The following FRMD3 variants were observed in gnomAD, a reference collection of about 807,000 sequenced individuals.
FRMD3 encodes the protein FERM domain containing 3.
A neutral mutation model predicts 70.2 loss-of-function variants in FRMD3; 33 were observed. The ratio of observed to expected loss-of-function variants is 0.47; its 90% confidence interval spans 0.36 to 0.63. FRMD3 has a LOEUF of 0.63. Ranked by LOEUF, FRMD3 falls within the 20% of genes least tolerant of loss-of-function variation. The pLI, the probability that FRMD3 is intolerant of heterozygous loss-of-function variation, is 0.00. For missense variants in FRMD3, 632 were observed against 711.4 expected (o/e 0.89, Z 1.27); for synonymous variants, 279 against 255.9 (o/e 1.09, Z -0.86).
the FRMD3 span, among the ~76,000 whole-genome samples, chr9:83,575,369 T>A: frequency 6.6e-6 from 1 of 152,296 alleles, no homozygotes; most frequent in East Asian, 1.9e-4. Flanking sequence ...TGGTTTTCTC[T>A]ATTTTTCAGG....
chr9:83,329,775 T>C (rs927654504), intron 6 of FRMD3, among the ~76,000 whole-genome samples: 1 of 152,168 alleles, frequency 6.6e-6, no homozygotes, highest in Non-Finnish European at 1.5e-5. Context: ...TTACTGCCAA[T>C]TGAGCCTTTT....
intron 3 of FRMD3, among the ~76,000 whole-genome samples, chr9:83,367,113 G>A (rs750236452): frequency 1.3e-5 from 2 of 152,298 alleles, no homozygotes; most frequent in East Asian, 1.9e-4. Flanking sequence ...CAAGGACTCT[G>A]CAAAACCAAA....
chr9:83,549,845 A>G, the FRMD3 span, among the ~76,000 whole-genome samples: 1 of 152,134 alleles, frequency 6.6e-6, no homozygotes, highest in Non-Finnish European at 1.5e-5. Context: ...GATGCTGGAC[A>G]TTAGACCTTT....
upstream of FRMD3, among the ~76,000 whole-genome samples, chr9:83,542,126 A>G (rs1404753778): frequency 6.6e-6 from 1 of 152,106 alleles, no homozygotes; most frequent in African/African-American, 2.4e-5. Flanking sequence ...CAGCCATAGC[A>G]GTGGCTGCAA....
chr9:83,371,467 C>T (rs1587784649), intron 3 of FRMD3, among the ~76,000 whole-genome samples: 1 of 152,186 alleles, frequency 6.6e-6, no homozygotes. Context: ...CAGGCAACCA[C>T]CACCACACCC....
chr9:83,517,726 C>T (rs4877786), intron 1 of FRMD3, among the ~76,000 whole-genome samples: 55,116 of 151,904 alleles, frequency 0.36, 10,764 homozygotes, highest in Middle Eastern at 0.45. Context: ...AACATTGATG[C>T]GAAAATCCTC....
At chr9:83,504,807 A>G (rs1166598693) in intron 1 of FRMD3, among the ~76,000 whole-genome samples, 1 of 152,116 alleles carries the variant, frequency 6.6e-6, no homozygotes, top group Non-Finnish European at 1.5e-5. Context: ...GCCTCTCCCT[A>G]CTAGAATATA....
chr9:83,388,008 C>T (rs1364796819), intron 2 of FRMD3, among the ~76,000 whole-genome samples: 1 of 152,138 alleles, frequency 6.6e-6, no homozygotes, highest in Non-Finnish European at 1.5e-5. Context: ...TCATGTCAGC[C>T]CCACATCCCC....
At chr9:83,270,783 C>T (rs765980597) in intron 13 of FRMD3, among the ~76,000 whole-genome samples, 1 of 151,754 alleles carries the variant, frequency 6.6e-6, no homozygotes, top group African/African-American at 2.4e-5. Flanking sequence ...ATTCTCAGAT[C>T]AGTGCCTTGC....
chr9:83,522,841 G>A (rs553627656), intron 1 of FRMD3, among the ~76,000 whole-genome samples: 1 of 152,220 alleles, frequency 6.6e-6, no homozygotes. Context: ...GGGATTACAG[G>A]CGTGAGCCAC....
At chr9:83,528,329 TTAC>T (rs1829726556) in intron 1 of FRMD3, among the ~76,000 whole-genome samples, 3 of 151,754 alleles carry the variant, frequency 2.0e-5, no homozygotes, top group South Asian at 2.1e-4. Flanking sequence ...ACGTGCATAG[TTAC>T]TACTAAGAAT....
At chr9:83,283,110 G>A (rs899327542) in intron 13 of FRMD3, among the ~76,000 whole-genome samples, 1 of 152,174 alleles carries the variant, frequency 6.6e-6, no homozygotes, top group East Asian at 1.9e-4. Context: ...AAGGTAAAAA[G>A]CTTTTGAAAA....
At chr9:83,529,777 G>A (rs1159946262) in intron 1 of FRMD3, among the ~76,000 whole-genome samples, 1 of 152,094 alleles carries the variant, frequency 6.6e-6, no homozygotes, top group Non-Finnish European at 1.5e-5. Flanking sequence ...AATATATGAA[G>A]AACTCTTACA....
At chr9:83,391,902 G>A (rs2131301108) in intron 1 of FRMD3, among the ~76,000 whole-genome samples, 1 of 152,278 alleles carries the variant, frequency 6.6e-6, no homozygotes, top group South Asian at 2.1e-4. Context: ...CCAGGAGGGA[G>A]CCTGTTGGAG....
chr9:83,284,061 ATTTT>A (rs71365307), intron 13 of FRMD3, among the ~76,000 whole-genome samples: 19,327 of 102,014 alleles, frequency 0.19, 1,464 homozygotes, highest in Non-Finnish European at 0.22. Flanking sequence ...CTAGGATGTT[ATTTT>A]TTTTTTTTTT....
chr9:83,554,913 C>T, the FRMD3 span, among the ~76,000 whole-genome samples: 1 of 152,094 alleles, frequency 6.6e-6, no homozygotes, highest in Non-Finnish European at 1.5e-5. Context: ...CCCCAGCCAC[C>T]TGGGATTTTC....
At chr9:83,536,427 C>G (rs1829893808) in intron 1 of FRMD3, among the ~76,000 whole-genome samples, 1 of 148,058 alleles carries the variant, frequency 6.8e-6, no homozygotes, top group African/African-American at 2.5e-5. Flanking sequence ...AACAGCCTCT[C>G]TCCCTGACGG....
At chr9:83,476,383 CA>C (rs35937281) in intron 1 of FRMD3, among the ~76,000 whole-genome samples, 1,253 of 113,996 alleles carry the variant, frequency 0.011, 12 homozygotes, top group African/African-American at 0.034. Flanking sequence ...GACTCTCTCT[CA>C]AAAAAAAAAA....
At chr9:83,363,756 A>T (rs567111357) in intron 3 of FRMD3, among the ~76,000 whole-genome samples, 1 of 151,884 alleles carries the variant, frequency 6.6e-6, no homozygotes, top group Non-Finnish European at 1.5e-5. Context: ...GGGTTTCACC[A>T]TGTTAGCCAG....
Sources: gnomAD v4.1 joint callset for allele counts (sites outside exome capture counted in the v4.1 genomes callset) on GRCh38, gnomAD v4.1.1 for gene constraint, MANE v1.5 for transcripts, NCBI Gene and HGNC (gene_info 2026-07-23, HGNC 2026-07-21) for gene names.